Variants in FBN2 observed in about 807,000 individuals in gnomAD.
The protein encoded by FBN2 is fibrillin 2.
Under a neutral mutation model 355.6 loss-of-function variants are expected in FBN2, and 105 were observed. The ratio of observed to expected loss-of-function variants is 0.30; its 90% CI spans 0.25 to 0.35. FBN2 has a LOEUF of 0.35. Ranked by LOEUF, FBN2 falls within the 10% of genes least tolerant of loss-of-function variation. The pLI is 1.00. For missense variants in FBN2, 3,280 were observed against 3,758.7 expected (o/e 0.87, Z 3.33); for synonymous variants, 1,350 against 1,301.2 (o/e 1.04, Z -0.81).
chr5:128,301,669 C>T (rs1163417620), intron 46 of FBN2, among the ~76,000 whole-genome samples, 159 bp from the exon 47 acceptor site: 1 of 152,130 alleles, frequency 6.6e-6, no homozygotes, highest in African/African-American at 2.4e-5. Context: ...TCATAAGGAT[C>T]ATATAATTAA....
intron 9 of FBN2, 34 bp downstream of exon 9, chr5:128,395,088 T>C: frequency 6.2e-7 from 1 of 1,612,888 alleles, no homozygotes; most frequent in Non-Finnish European, 8.5e-7. Context: ...CCTAACAGTG[T>C]CTGTGCTGAG....
At position 128,395,117 on chromosome 5, in the gene FBN2, C is replaced by T. The variant is rs1400503260; in HGVS notation, c.1231+5G>A. ...TGCTGAGGAGACTAACAGCCAGCCACGTACCAGAACCTCTGACAGGACAGG... is the reference window on the plus strand; with the variant it reads ...TGCTGAGGAGACTAACAGCCAGCCATGTACCAGAACCTCTGACAGGACAGG... On this transcript the variant is annotated splice_donor_5th_base_variant and intron_variant, in intron 9 of 64. Transcript: ENST00000262464. 4.3e-6 allele frequency: 7 copies of T among 1,613,946 alleles called. No individual in the cohort carries two copies. Among genetic ancestry groups the T allele is most frequent in the African/African-American group, 1.3e-5 (1 of 74,920 alleles).
intron 6 of FBN2, among the ~76,000 whole-genome samples, chr5:128,457,972 T>C (rs1754445648): frequency 6.6e-6 from 1 of 152,070 alleles, no homozygotes; most frequent in East Asian, 1.9e-4. Context: ...ATACTAACCT[T>C]AAATGTAAAT....
intron 6 of FBN2, among the ~76,000 whole-genome samples, chr5:128,460,546 C>A (rs1019970761): frequency 1.5e-4 from 23 of 152,136 alleles, no homozygotes; most frequent in African/African-American, 5.3e-4. Flanking sequence ...CCCTGTATAA[C>A]CAAGACAATC....
chr5:128,351,051 A>G, intron 20 of FBN2, 46 bp from the exon 21 acceptor site: 1 of 1,610,264 alleles, frequency 6.2e-7, no homozygotes, highest in Non-Finnish European at 8.5e-7. Context: ...CTCTGAAGAA[A>G]ATAGAATTCA....
At chr5:128,311,634 A>C (rs1750060706) in intron 38 of FBN2, among the ~76,000 whole-genome samples, 1 of 152,222 alleles carries the variant, frequency 6.6e-6, no homozygotes, top group African/African-American at 2.4e-5. Context: ...GAATAAAGTT[A>C]AGTTGGAGAT....
At chr5:128,401,416 C>A (rs1025943944) in intron 8 of FBN2, among the ~76,000 whole-genome samples, 3 of 152,022 alleles carry the variant, frequency 2.0e-5, no homozygotes, top group Non-Finnish European at 2.9e-5. Context: ...TATGCTCTCA[C>A]GAATATTAAA....
chr5:128,377,934 C>T (rs1433626850), intron 12 of FBN2, 57 bp from the exon 13 acceptor site: 3 of 1,483,866 alleles, frequency 2.0e-6, no homozygotes, highest in Middle Eastern at 1.7e-4. Flanking sequence ...TAGATAAACA[C>T]AGTAAGATAA....
chr5:128,322,240 T>C (rs1441758694), intron 34 of FBN2, among the ~76,000 whole-genome samples: 1 of 152,230 alleles, frequency 6.6e-6, no homozygotes, highest in Non-Finnish European at 1.5e-5. Context: ...AGGTTGCCTG[T>C]TCACTCTGAT....
chr5:128,421,553 T>C (rs1355439775), intron 7 of FBN2, among the ~76,000 whole-genome samples: 1 of 152,172 alleles, frequency 6.6e-6, no homozygotes, highest in Admixed American at 6.5e-5. Flanking sequence ...TTGTTGACTG[T>C]CTAGAGTAAG....
At position 128,365,050 on chromosome 5, in the gene FBN2, C is replaced by T. The variant is rs559874551; in HGVS notation, c.2303-325G>A. ...TGTTGGCTCCAAATCCAAAGGAAAA[C>T]TCGAGTTGATAGATATTGTAATCAT... On this transcript the variant is annotated intron_variant, in intron 17 of 64. Transcript: ENST00000262464. 5.1e-5 allele frequency: 13 copies of T among 256,396 alleles called. No homozygotes were observed. The South Asian group carries it at 6.5e-4, about 13-fold the overall frequency. The allele number at this position is 256,396 out of a possible 1,614,324, so 15.9% of individuals were successfully genotyped here. A position where few individuals can be genotyped will look rare whatever the true frequency, so the allele number is the denominator to read the frequency against.
At chr5:128,392,856 C>G (rs534128239) in intron 10 of FBN2, among the ~76,000 whole-genome samples, 16 of 151,948 alleles carry the variant, frequency 1.1e-4, no homozygotes, top group African/African-American at 3.4e-4. Flanking sequence ...TATGTATTTG[C>G]GAAGACCTGG....
chr5:128,303,229 T>C (rs1195524375), intron 45 of FBN2, 140 bp from the exon 46 acceptor site: 3 of 658,760 alleles, frequency 4.6e-6, no homozygotes, highest in African/African-American at 3.7e-5. Flanking sequence ...TTGAGGAAAA[T>C]GAGTAAGAGA....
At position 128,308,012 on chromosome 5, in the gene FBN2, T is replaced by C. The variant is rs539849650; in HGVS notation, c.5354-809A>G. On this transcript the variant is annotated intron_variant, in intron 41 of 64. Transcript: ENST00000262464. ...AGATGCTCAACTTAATGGTTTCTAA[T>C]TGTCTGGAAATCTTCAAATTATAAT... is the stretch of plus-strand genomic sequence containing the variant. Among the ~76,000 whole-genome samples, 9 of 152,242 alleles carry C rather than the reference T, an allele frequency of 5.9e-5. No homozygotes were observed. In the South Asian group the frequency reaches 1.9e-3, roughly 32 times the overall value.
chr5:128,513,224 A>AT (rs1467735633), intron 5 of FBN2, among the ~76,000 whole-genome samples: 1 of 152,216 alleles, frequency 6.6e-6, no homozygotes, highest in African/African-American at 2.4e-5. Context: ...TTATTTAAGA[A>AT]TTTGTAACTT....
rs536568623 is a variant in FBN2, at chr5:128,392,476, C to T, written c.1466-321G>A. ...TGCTGAATATTCAGATATAGTAAAT[C>T]GGCAATATGCCAAAAAGAATAAACA... On this transcript the variant is annotated intron_variant, in intron 10 of 64. Transcript: ENST00000262464. Among the ~76,000 whole-genome samples, 14 of 152,268 alleles carry T rather than the reference C, an allele frequency of 9.2e-5. No homozygotes were observed. The East Asian group carries it at 9.6e-4, about 10-fold the overall frequency.
chr5:128,293,797 T>C, intron 48 of FBN2, among the ~76,000 whole-genome samples: 1 of 151,948 alleles, frequency 6.6e-6, no homozygotes, highest in East Asian at 1.9e-4. Flanking sequence ...GCAAAGAAAA[T>C]GGAAGAACAA....
At chr5:128,348,473 A>C (rs1374937286) in intron 23 of FBN2, among the ~76,000 whole-genome samples, 2 of 152,122 alleles carry the variant, frequency 1.3e-5, no homozygotes. Context: ...TTAAAAATGA[A>C]ATCTGTTTTA....
chr5:128,535,803 C>A (rs1756828750), intron 2 of FBN2, among the ~76,000 whole-genome samples: 1 of 146,206 alleles, frequency 6.8e-6, no homozygotes, highest in African/African-American at 2.6e-5. Flanking sequence ...TAAATTTAAA[C>A]GTCTTCCAAA....
Sources: gnomAD v4.1 joint callset for allele counts (sites outside exome capture counted in the v4.1 genomes callset) on GRCh38, gnomAD v4.1.1 for gene constraint, MANE v1.5 for transcripts, NCBI Gene and HGNC (gene_info 2026-07-23, HGNC 2026-07-21) for gene names.